TTC28: variants seen among roughly 807,000 people sequenced by gnomAD.
TTC28 encodes tetratricopeptide repeat domain 28.
Under a neutral mutation model 198.0 loss-of-function variants are expected in TTC28, and 61 were observed. That is an observed-to-expected ratio of 0.31 (90% CI 0.25 to 0.38). The LOEUF (loss-of-function observed/expected upper bound fraction) is 0.38, where lower values mean the gene tolerates loss of function less well. Ranked by LOEUF, TTC28 falls within the 10% of genes least tolerant of loss-of-function variation. TTC28 has a pLI of 1.00. For synonymous variants in TTC28, 1,171 were observed against 1,297.8 expected, an observed-to-expected ratio of 0.90 and a Z score of 2.10; for missense variants, 2,678 against 3,164.0, an observed-to-expected ratio of 0.85 and a Z score of 3.69.
intron 2 of TTC28, among the ~76,000 whole-genome samples, chr22:28,400,899 T>C (rs1202428383): frequency 6.6e-6 from 1 of 152,222 alleles, no homozygotes; most frequent in Non-Finnish European, 1.5e-5. Flanking sequence ...TCCAATCTAA[T>C]TTCTTCAACT....
intron 2 of TTC28, among the ~76,000 whole-genome samples, chr22:28,312,889 C>T (rs1362015839): frequency 3.3e-5 from 5 of 151,738 alleles, no homozygotes; most frequent in Admixed American, 6.6e-5. Flanking sequence ...GATAGAGACA[C>T]AAAAAAACCT....
At chr22:28,045,333 C>A (rs901058537) in intron 12 of TTC28, among the ~76,000 whole-genome samples, 1 of 152,164 alleles carries the variant, frequency 6.6e-6, no homozygotes, top group African/African-American at 2.4e-5. Context: ...ATCATGTTGA[C>A]GCTGTGAAAG....
intron 2 of TTC28, 38 bp from the exon 3 acceptor site, chr22:28,306,681 G>T: frequency 6.5e-7 from 1 of 1,545,152 alleles, no homozygotes; most frequent in South Asian, 1.2e-5. Context: ...TAATGCCTGT[G>T]CTCCAACAAG....
chr22:28,420,521 A>G (rs2047234124), intron 2 of TTC28, among the ~76,000 whole-genome samples: 1 of 151,788 alleles, frequency 6.6e-6, no homozygotes. Context: ...AGTTGAAAGA[A>G]AGCAATCCTA....
intron 5 of TTC28, among the ~76,000 whole-genome samples, chr22:28,250,406 C>G (rs1301243447): frequency 1.3e-5 from 2 of 152,150 alleles, no homozygotes; most frequent in East Asian, 3.8e-4. Flanking sequence ...AATTTAAATA[C>G]TTTAATCTAC....
At chr22:28,296,498 T>C (rs1286784936) in intron 4 of TTC28, among the ~76,000 whole-genome samples, 170 bp from the exon 5 acceptor site, 2 of 152,236 alleles carry the variant, frequency 1.3e-5, no homozygotes, top group African/African-American at 4.8e-5. Context: ...TGTGGGGAGT[T>C]ACTGCCCTAG....
chr22:28,599,696 T>C (rs1446143892), intron 2 of TTC28, among the ~76,000 whole-genome samples: 1 of 152,188 alleles, frequency 6.6e-6, no homozygotes, highest in Non-Finnish European at 1.5e-5. Flanking sequence ...CCTAGTACCA[T>C]GTCAATTAGA....
At chr22:27,996,756 CCCTT>C (rs1331380656) in intron 16 of TTC28, among the ~76,000 whole-genome samples, 2 of 151,970 alleles carry the variant, frequency 1.3e-5, no homozygotes, top group African/African-American at 4.8e-5. Context: ...TTTCCACACT[CCCTT>C]CCGAAACAGG....
At chr22:28,673,171 G>A (rs1161873078) in intron 1 of TTC28, among the ~76,000 whole-genome samples, 1 of 152,030 alleles carries the variant, frequency 6.6e-6, no homozygotes, top group African/African-American at 2.4e-5. Context: ...TCAGGAGATC[G>A]AGACCATCCT....
chr22:28,036,246 T>C (rs536492697), intron 12 of TTC28, among the ~76,000 whole-genome samples: 226 of 152,196 alleles, frequency 1.5e-3, no homozygotes, highest in Non-Finnish European at 2.6e-3. Flanking sequence ...TAAAATAAAA[T>C]TGATTTACTA....
At chr22:28,127,069 T>C (rs180793018) in intron 6 of TTC28, among the ~76,000 whole-genome samples, 21 of 152,320 alleles carry the variant, frequency 1.4e-4, no homozygotes, top group Admixed American at 2.0e-4. Flanking sequence ...AAAACACTTA[T>C]TGTTTAGATT....
At chr22:28,147,421 G>A (rs1358080509) in intron 6 of TTC28, among the ~76,000 whole-genome samples, 3 of 152,122 alleles carry the variant, frequency 2.0e-5, no homozygotes, top group Non-Finnish European at 2.9e-5. Flanking sequence ...GAGTGAACGA[G>A]GATGAAAATA....
intron 13 of TTC28, chr22:28,028,960 G>A (rs533116632): frequency 2.1e-6 from 1 of 470,942 alleles, no homozygotes; most frequent in African/African-American, 2.0e-5. Context: ...GGCAAGGCCA[G>A]AGGCTGCACT....
At chr22:28,493,761 TCTAATTTCC>T (rs1441516501) in intron 2 of TTC28, among the ~76,000 whole-genome samples, 1 of 152,156 alleles carries the variant, frequency 6.6e-6, no homozygotes, top group Non-Finnish European at 1.5e-5. Flanking sequence ...TGACAAGGCA[TCTAATTTCC>T]CTATCAGTTT....
Position 27,998,640 on chromosome 22 carries a change from G to A in TTC28, c.5019C>T (p.Tyr1673=), listed in dbSNP as rs865921983. The change falls in exon 16 of 23, where the codon TAC becomes TAT. Residue 1673 remains tyrosine, a synonymous_variant. Coordinates refer to ENST00000397906, the MANE Select transcript of TTC28 (RefSeq NM_001145418.2). ...CTTTCAGGCCGTTCAGCAGGGATGA[G>A]TAGAAGGCATGGATGAACATCTTAG... ...AASKMFIHAF[Y]SSLLNGLKAS... is the part of the protein sequence containing the mutation. 1.3e-6 allele frequency: 2 copies of A among 1,550,750 alleles called. No individual in the cohort carries two copies. Among genetic ancestry groups the A allele is most frequent in the Non-Finnish European group, 1.7e-6 (2 of 1,147,016 alleles).
At chr22:28,299,641 T>C (rs2044976650) in intron 3 of TTC28, among the ~76,000 whole-genome samples, 2 of 152,308 alleles carry the variant, frequency 1.3e-5, no homozygotes, top group South Asian at 4.1e-4. Context: ...ATGAGTTTGG[T>C]AGTCAATGTT....
intron 2 of TTC28, among the ~76,000 whole-genome samples, chr22:28,614,139 A>C (rs2146162329): frequency 6.6e-6 from 1 of 152,332 alleles, no homozygotes; most frequent in South Asian, 2.1e-4. Context: ...AAGCATTCCT[A>C]TACACCAATA....
At chr22:28,531,827 T>C (rs564454931) in intron 2 of TTC28, among the ~76,000 whole-genome samples, 3 of 152,152 alleles carry the variant, frequency 2.0e-5, no homozygotes, top group South Asian at 2.1e-4. Context: ...CATAACGAAA[T>C]GAAGGCAGAA....
intron 2 of TTC28, among the ~76,000 whole-genome samples, chr22:28,391,858 C>T (rs577254799): frequency 0.013 from 2,006 of 152,322 alleles, 53 homozygotes; most frequent in African/African-American, 0.046. Flanking sequence ...AGTCATTCTC[C>T]GTCCAGCTTT....
Sources: gnomAD v4.1 joint callset for allele counts (sites outside exome capture counted in the v4.1 genomes callset) on GRCh38, gnomAD v4.1.1 for gene constraint, MANE v1.5 for transcripts, NCBI Gene and HGNC (gene_info 2026-07-23, HGNC 2026-07-21) for gene names.